LENG8: variants seen among roughly 807,000 people sequenced by gnomAD.
LENG8 encodes leukocyte receptor cluster member 8.
LENG8 carries 28 observed loss-of-function variants against 102.1 expected under a neutral mutation model. The ratio of observed to expected loss-of-function variants is 0.27; its 90% CI spans 0.20 to 0.38. The LOEUF (loss-of-function observed/expected upper bound fraction) is 0.38, where lower values mean the gene tolerates loss of function less well. Ranked by LOEUF, LENG8 falls within the 10% of genes least tolerant of loss-of-function variation. The probability of loss-of-function intolerance (pLI) is 1.00; values close to 1 mark genes in which losing one functional copy is unlikely to be tolerated. For synonymous variants in LENG8, 531 were observed against 456.7 expected, an observed-to-expected ratio of 1.16 and a Z score of -2.07; for missense variants, 1,022 against 1,113.9, an observed-to-expected ratio of 0.92 and a Z score of 1.17.
At chr19:54,452,805 G>A (rs761689041) in intron 4 of LENG8, 53 bp downstream of exon 4, 119 of 1,333,796 alleles carry the variant, frequency 8.9e-5, no homozygotes, top group Middle Eastern at 1.8e-4. Flanking sequence ...CTGCTGGGTC[G>A]GGGCGAGGTG....
At chr19:54,452,922 C>T (rs767721401) in intron 4 of LENG8, among the ~76,000 whole-genome samples, 170 bp downstream of exon 4, 1 of 152,148 alleles carries the variant, frequency 6.6e-6, no homozygotes, top group Admixed American at 6.5e-5. Context: ...CCTAGGTCCC[C>T]GCCATGAGCC....
chr19:54,453,130 CTGAT>C (rs145499782), intron 4 of LENG8, among the ~76,000 whole-genome samples: 4,359 of 152,296 alleles, frequency 0.029, 89 homozygotes, highest in South Asian at 0.088. Flanking sequence ...ACCTGACACA[CTGAT>C]TGAAAGTAGC....
Position 54,455,021 on chromosome 19 carries a change from T to G in LENG8, c.750T>G (p.Phe250Leu). The change falls in exon 7 of 16, where the codon TTT (phenylalanine) becomes TTG (leucine). Residue 250 changes from phenylalanine to leucine, a missense_variant. Physicochemically the swap from Phe to Leu is conservative, Grantham distance 22. Around this residue, in one of 7 missense-constraint regions of LENG8, gnomAD observed 343 missense variants for 320.2 expected, o/e 1.07. Coordinates refer to ENST00000326764, the MANE Select transcript of LENG8 (RefSeq NM_052925.4). ...KRPFAVTTQSFGSNAEGQHSG... is the reference protein window; with the variant it reads ...KRPFAVTTQSLGSNAEGQHSG... Reference sequence around the variant, plus strand: ...CCTTTGCTGTTACCACCCAGAGCTTTGGCTCCAACGCAGAGGGCCAGCACA... The same window carrying G: ...CCTTTGCTGTTACCACCCAGAGCTTGGGCTCCAACGCAGAGGGCCAGCACA... 6.2e-7 allele frequency: 1 copy of G among 1,614,160 alleles called. No homozygotes were observed. Among genetic ancestry groups the G allele is most frequent in the Non-Finnish European group, 8.5e-7 (1 of 1,180,040 alleles).
chr19:54,461,862 G>T lies in LENG8; in HGVS notation c.*934G>T. On this transcript the variant is annotated 3_prime_UTR_variant, in exon 16 of 16. Coordinates refer to ENST00000326764, the MANE Select transcript of LENG8 (RefSeq NM_052925.4). The stretch of plus-strand genomic sequence containing the variant: ...AGGATGTGCTATGAGTTTGCAAACA[G>T]CTGGACTGTCAGGCTGCTTTTTTTC... 1.8e-6 allele frequency: 1 copy of T among 555,726 alleles called. No individual in the cohort carries two copies. Among genetic ancestry groups the T allele is most frequent in the Non-Finnish European group, 3.5e-6 (1 of 283,770 alleles). The allele number at this position is 555,726 out of a possible 1,614,324, so 34.4% of individuals were successfully genotyped here. A position where few individuals can be genotyped will look rare whatever the true frequency, so the allele number is the denominator to read the frequency against.
chr19:54,457,904 G>T, intron 12 of LENG8, 30 bp from the exon 13 acceptor site: 2 of 1,614,006 alleles, frequency 1.2e-6, no homozygotes, highest in Non-Finnish European at 1.7e-6. Flanking sequence ...CCCGCTCCTT[G>T]TGACTCTTGT....
In LENG8 at chr19:54,455,602, G is replaced by A. The variant is rs375908087; in HGVS notation, c.1025+35G>A. On this transcript the variant is annotated intron_variant, in intron 8 of 15. Transcript: ENST00000326764. The stretch of plus-strand genomic sequence containing the variant: ...GGTGGGGGACATAGGTGGGAGGGTG[G>A]TGCTGTGAGAGGCATGGGCTGGGTA... 5.5e-5 allele frequency: 86 copies of A among 1,571,264 alleles called. No individual in the cohort carries two copies. The African/African-American group carries it at 1.1e-3, about 20-fold the overall frequency.
rs1423019889 is a variant in LENG8 at position 54,456,818 on chromosome 19, C to G, written c.1628C>G (p.Pro543Arg). The G allele has an allele frequency of 6.2e-7, 1 of 1,611,400 alleles. No individual in the cohort carries two copies. Among genetic ancestry groups the G allele is most frequent in the Non-Finnish European group, 8.5e-7 (1 of 1,179,736 alleles). Residue 543 changes from proline to arginine, a missense_variant, in exon 11 of 16, where the codon CCT becomes CGT. Transcript: ENST00000326764. ...MSSLESSGAD[P>R]DWQELQIVGT... ...AGCCTGGAGAGCAGTGGGGCTGACC[C>G]TGACTGGCAGGAGCTGCAGATCGTG...
In LENG8 at chr19:54,456,903, C is replaced by T. The variant is rs1440870395; in HGVS notation, c.1713C>T (p.Ser571=). Residue 571 remains serine (S), a synonymous_variant, in exon 11 of 16, where the codon TCC becomes TCT. Transcript: ENST00000326764. The part of the protein sequence containing the change: ...YLRLTCAPDP[S]TVRPVAVLKK... Reference sequence around the variant, plus strand: ...GCCTCACCTGTGCCCCCGACCCGTCCACCGTGCGCCCTGTGGCAGTAAGTG... The same window carrying T: ...GCCTCACCTGTGCCCCCGACCCGTCTACCGTGCGCCCTGTGGCAGTAAGTG... 3.1e-6 allele frequency: 5 copies of T among 1,607,590 alleles called. No homozygotes were observed. The highest frequency in any genetic ancestry group is 1.1e-5 in the South Asian group (1 of 90,908).
chr19:54,449,275 T>C lies in LENG8; in HGVS notation c.-91T>C, dbSNP rs1395781178. The stretch of plus-strand genomic sequence containing the variant: ...GCCGTGTTGCTGATCGCCTGGGTGG[T>C]TGTTGGCGTGTCCCTGCAGCGAAGG... On this transcript the variant is annotated 5_prime_UTR_variant, in exon 1 of 16. Coordinates refer to ENST00000326764, the MANE Select transcript of LENG8 (RefSeq NM_052925.4). The C allele has an allele frequency of 1.3e-5, 2 of 152,256 alleles. No homozygotes were observed. Among genetic ancestry groups the C allele is most frequent in the African/African-American group, 4.8e-5 (2 of 41,412 alleles). 9.4% of individuals were successfully genotyped at this position (152,256 alleles called of 1,614,324 possible). A position where few individuals can be genotyped will look rare whatever the true frequency, so the allele number is the denominator to read the frequency against.
intron 6 of LENG8, 64 bp from the exon 7 acceptor site, chr19:54,454,887 G>A (rs1599972248): frequency 5.0e-6 from 8 of 1,601,706 alleles, no homozygotes; most frequent in Non-Finnish European, 4.3e-6. Context: ...ACTTCCTCCC[G>A]TCCCCTGGGG....
Position 54,461,408 on chromosome 19 carries a change from TC to T in LENG8, c.*483del. 3 of 458,074 alleles carry T rather than the reference TC, an allele frequency of 6.5e-6. No individual in the cohort carries two copies. The highest frequency in any genetic ancestry group is 1.3e-5 in the Non-Finnish European group (3 of 227,536). The allele number at this position is 458,074 out of a possible 1,614,324, so 28.4% of individuals were successfully genotyped here. A position where few individuals can be genotyped will look rare whatever the true frequency, so the allele number is the denominator to read the frequency against. On this transcript the variant is annotated 3_prime_UTR_variant, in exon 16 of 16. Coordinates refer to ENST00000326764, the MANE Select transcript of LENG8 (RefSeq NM_052925.4). ...CACCTGCTTCGCCACAGACTCTTGTTCCCAGCCCCTTGGGGCCTCCGTGTTT... is the reference window on the plus strand; with the variant it reads ...CACCTGCTTCGCCACAGACTCTTGTTCCAGCCCCTTGGGGCCTCCGTGTTT...
At position 54,452,147 on chromosome 19, in the gene LENG8, G is replaced by A. The variant is rs775131629; in HGVS notation, c.93G>A (p.Thr31=). ...AGAGRENGME[T]PMHENPEWEK... ...CAGGCCGAGAGAATGGCATGGAGAC[G>A]CCGATGCACGAGAACCCGGAGTGGG... Residue 31 remains threonine (T), a synonymous_variant, in exon 3 of 16, where the codon ACG becomes ACA. Transcript: ENST00000326764. The A allele has an allele frequency of 8.1e-6, 13 of 1,614,020 alleles. No individual in the cohort carries two copies. In the East Asian group the frequency reaches 1.1e-4, roughly 14 times the overall value.
chr19:54,455,159 A>G, intron 7 of LENG8, 67 bp downstream of exon 7: 2 of 1,598,608 alleles, frequency 1.3e-6, no homozygotes, highest in South Asian at 2.2e-5. Context: ...GTCCAGTCCC[A>G]CTGGCCAGCT....
rs1268079135 is a variant in LENG8, at chr19:54,457,934, G to T, written c.1834G>T (p.Val612Leu). 3 of 1,613,906 alleles carry T rather than the reference G, an allele frequency of 1.9e-6. No homozygotes were observed. The highest frequency in any genetic ancestry group is 2.5e-6 in the Non-Finnish European group (3 of 1,180,024). Residue 612 changes from valine (V) to leucine (L), a missense_variant and splice_region_variant, in exon 13 of 16, where the codon GTG (valine) becomes TTG (leucine). This residue lies in a region of LENG8 where 158 missense variants were observed against 229.0 expected (regional missense o/e 0.69). Transcript: ENST00000326764. Reference sequence around the variant, plus strand: ...TCTTGTTCTCGCCCCGCTGCCCCAGGTGCAGGGCATCCGCACCGAGTTCAC... The same window carrying T: ...TCTTGTTCTCGCCCCGCTGCCCCAGTTGCAGGGCATCCGCACCGAGTTCAC... ...QMKSIRQDLT[V>L]QGIRTEFTVE...
intron 6 of LENG8, 113 bp from the exon 7 acceptor site, chr19:54,454,838 G>T: frequency 6.8e-7 from 1 of 1,467,000 alleles, no homozygotes. Context: ...GTGTGCTGGA[G>T]CCCTCCTCTA....
At position 54,455,574 on chromosome 19, in the gene LENG8, C is replaced by G; in HGVS notation, c.1025+7C>G. ...GCCGGGAGCCCTTGCCGGGGTTAGT[C>G]TGGGTGGGGGACATAGGTGGGAGGG... On this transcript the variant is annotated splice_region_variant and intron_variant, in intron 8 of 15. Coordinates refer to ENST00000326764, the MANE Select transcript of LENG8 (RefSeq NM_052925.4). 1.2e-6 allele frequency: 2 copies of G among 1,604,298 alleles called. No homozygotes were observed. The highest frequency in any genetic ancestry group is 1.7e-6 in the Non-Finnish European group (2 of 1,177,922).
intron 10 of LENG8, 81 bp downstream of exon 10, chr19:54,456,546 C>G (rs369823242): frequency 6.5e-7 from 1 of 1,536,220 alleles, no homozygotes; most frequent in Non-Finnish European, 8.7e-7. Context: ...GGAGGAGGGC[C>G]GGACAGGTGG....
At position 54,452,644 on chromosome 19, in the gene LENG8, T is replaced by G. The variant is rs746979709; in HGVS notation, c.214-7T>G. 2 of 1,584,698 alleles carry G rather than the reference T, an allele frequency of 1.3e-6. No homozygotes were observed. The highest frequency in any genetic ancestry group is 1.4e-5 in the African/African-American group (1 of 72,962). On this transcript the variant is annotated splice_region_variant and splice_polypyrimidine_tract_variant and intron_variant, in intron 3 of 15. Coordinates refer to ENST00000326764, the MANE Select transcript of LENG8 (RefSeq NM_052925.4). ...TGCTGACGGCACATGTGCCTCTGCT[T>G]CCACAGTACGTGTCCCAGGCAGAAG... is the stretch of plus-strand genomic sequence containing the variant.
At position 54,461,625 on chromosome 19, in the gene LENG8, T is replaced by TTTTTTCCCC; in HGVS notation, c.*701_*709dup. 1 of 474,166 alleles carries TTTTTTCCCC rather than the reference T, an allele frequency of 2.1e-6. No individual in the cohort carries two copies. Among genetic ancestry groups the TTTTTTCCCC allele is most frequent in the South Asian group, 1.5e-5 (1 of 64,588 alleles). The allele number at this position is 474,166 out of a possible 1,614,324, so 29.4% of individuals were successfully genotyped here. A position where few individuals can be genotyped will look rare whatever the true frequency, so the allele number is the denominator to read the frequency against. Reference sequence around the variant, plus strand: ...CTGCCCCCAGTGTTTCTTCTGATTTTTTTTTCCCCTTTCCCTCCCTCCCTC... The same window carrying TTTTTTCCCC: ...CTGCCCCCAGTGTTTCTTCTGATTTTTTTTTCCCCTTTTTCCCCTTTCCCTCCCTCCCTC... On this transcript the variant is annotated 3_prime_UTR_variant, in exon 16 of 16. Transcript: ENST00000326764.
Sources: gnomAD v4.1 joint callset for allele counts (sites outside exome capture counted in the v4.1 genomes callset) on GRCh38, gnomAD v4.1.1 for gene constraint, gnomAD v4.1.1 regional missense constraint, MANE v1.5 for transcripts, NCBI Gene and HGNC (gene_info 2026-07-23, HGNC 2026-07-21) for gene names.